Variants in CCDC102B observed in about 807,000 individuals in gnomAD.
CCDC102B encodes the protein coiled-coil domain-containing protein 102B.
In CCDC102B, 75 loss-of-function variants were observed where a neutral mutation model predicts 57.4. The ratio of observed to expected loss-of-function variants is 1.31; its 90% CI spans 1.08 to 1.58. The LOEUF is 1.58. Ranked by LOEUF, CCDC102B falls within the 40% of genes most tolerant of loss-of-function variation. CCDC102B has a pLI of 0.00. For synonymous variants in CCDC102B, 206 were observed against 201.9 expected, an observed-to-expected ratio of 1.02 and a Z score of -0.17; for missense variants, 636 against 582.6, an observed-to-expected ratio of 1.09 and a Z score of -0.94.
intron 5 of CCDC102B, among the ~76,000 whole-genome samples, chr18:68,889,850 A>G (rs141695550): frequency 0.01 from 1,525 of 152,304 alleles, 19 homozygotes; most frequent in African/African-American, 0.035. Context: ...AAAGCTAACC[A>G]GTTGGATCCC....
At chr18:68,967,894 A>C (rs2050204051) in intron 6 of CCDC102B, among the ~76,000 whole-genome samples, 1 of 152,160 alleles carries the variant, frequency 6.6e-6, no homozygotes, top group Non-Finnish European at 1.5e-5. Context: ...ATAAATTATA[A>C]TTGAAAATGA....
At chr18:68,883,578 C>T (rs949729567) in intron 5 of CCDC102B, among the ~76,000 whole-genome samples, 4 of 152,120 alleles carry the variant, frequency 2.6e-5, no homozygotes, top group Non-Finnish European at 5.9e-5. Flanking sequence ...ACTTTTCCTA[C>T]TGTAGAGAAA....
intron 7 of CCDC102B, among the ~76,000 whole-genome samples, chr18:69,031,248 T>A (rs1339215442): frequency 6.6e-6 from 1 of 152,194 alleles, no homozygotes; most frequent in Non-Finnish European, 1.5e-5. Context: ...TAGTCCTTTT[T>A]AGTGACTTAG....
At chr18:68,755,501 T>G (rs998633154) in intron 2 of CCDC102B, among the ~76,000 whole-genome samples, 1 of 152,172 alleles carries the variant, frequency 6.6e-6, no homozygotes, top group African/African-American at 2.4e-5. Flanking sequence ...TGTAATAATT[T>G]TATTATAAGA....
At chr18:68,752,812 G>A (rs946320522) in intron 2 of CCDC102B, among the ~76,000 whole-genome samples, 1 of 152,028 alleles carries the variant, frequency 6.6e-6, no homozygotes, top group Non-Finnish European at 1.5e-5. Context: ...TTAGAGGTCT[G>A]TAGCTTTATC....
At chr18:68,904,509 A>G (rs1402940333) in intron 6 of CCDC102B, among the ~76,000 whole-genome samples, 3 of 152,196 alleles carry the variant, frequency 2.0e-5, no homozygotes, top group Non-Finnish European at 1.5e-5. Flanking sequence ...GTCTTTTGCC[A>G]AGTAATTTCT....
At chr18:68,715,376 C>T (rs759087151) in intron 1 of CCDC102B, 17 of 480,432 alleles carry the variant, frequency 3.5e-5, no homozygotes, top group Non-Finnish European at 4.9e-5. Flanking sequence ...GCTCTGACGA[C>T]GCACTTGCAG....
At chr18:68,877,801 C>G (rs550669536) in intron 5 of CCDC102B, among the ~76,000 whole-genome samples, 1 of 152,286 alleles carries the variant, frequency 6.6e-6, no homozygotes, top group Admixed American at 6.5e-5. Context: ...TTACATTTCT[C>G]TTCTGCTAAA....
At chr18:68,759,535 A>G (rs549954171) in intron 2 of CCDC102B, among the ~76,000 whole-genome samples, 6 of 152,108 alleles carry the variant, frequency 3.9e-5, no homozygotes, top group African/African-American at 1.2e-4. Context: ...CAACAGACAT[A>G]TGGGGGGCCA....
intron 4 of CCDC102B, among the ~76,000 whole-genome samples, chr18:68,847,282 T>A (rs1383615721): frequency 1.3e-5 from 2 of 151,714 alleles, no homozygotes; most frequent in African/African-American, 4.8e-5. Flanking sequence ...CACAATACAT[T>A]GATGTATAGT....
At chr18:69,050,644 A>G (rs909099362) in intron 7 of CCDC102B, among the ~76,000 whole-genome samples, 15 of 152,178 alleles carry the variant, frequency 9.9e-5, no homozygotes, top group Non-Finnish European at 1.6e-4. Context: ...TTACAAGACT[A>G]TAAGTGCAAC....
chr18:69,042,424 C>T (rs1279630131), intron 7 of CCDC102B, among the ~76,000 whole-genome samples: 1 of 152,096 alleles, frequency 6.6e-6, no homozygotes, highest in Non-Finnish European at 1.5e-5. Flanking sequence ...CTCAAACCTG[C>T]TCATTTGGTC....
At chr18:69,020,505 G>A (rs2051802133) in intron 7 of CCDC102B, among the ~76,000 whole-genome samples, 1 of 152,106 alleles carries the variant, frequency 6.6e-6, no homozygotes, top group Admixed American at 6.6e-5. Context: ...ATACTCAAGT[G>A]CCATCTCCAG....
At chr18:69,039,515 A>G (rs1167579280) in intron 7 of CCDC102B, among the ~76,000 whole-genome samples, 1 of 151,878 alleles carries the variant, frequency 6.6e-6, no homozygotes, top group Admixed American at 6.6e-5. Flanking sequence ...ACCATGAGAT[A>G]TTATTATATT....
At chr18:68,987,642 C>A (rs749994648) in intron 6 of CCDC102B, among the ~76,000 whole-genome samples, 68 of 152,180 alleles carry the variant, frequency 4.5e-4, no homozygotes, top group Non-Finnish European at 8.7e-4. Context: ...AAAATATTCA[C>A]AAGCTATGCA....
At chr18:68,959,019 G>A (rs868524941) in intron 6 of CCDC102B, among the ~76,000 whole-genome samples, 3 of 152,128 alleles carry the variant, frequency 2.0e-5, no homozygotes, top group African/African-American at 7.2e-5. Flanking sequence ...TGTGTAGTTT[G>A]TTTAGTGAGG....
intron 4 of CCDC102B, among the ~76,000 whole-genome samples, chr18:68,851,513 T>A (rs1391971882): frequency 6.6e-6 from 1 of 152,168 alleles, no homozygotes; most frequent in Non-Finnish European, 1.5e-5. Context: ...AGCACTGAAT[T>A]ACATAAGTTG....
chr18:69,030,255 ACCTAT>A (rs1275120184), intron 7 of CCDC102B, among the ~76,000 whole-genome samples: 1 of 152,182 alleles, frequency 6.6e-6, no homozygotes, highest in Non-Finnish European at 1.5e-5. Flanking sequence ...CTATCTACAA[ACCTAT>A]CCTAATGTGC....
chr18:68,973,688 G>A (rs147925027), intron 6 of CCDC102B, among the ~76,000 whole-genome samples: 105 of 151,964 alleles, frequency 6.9e-4, no homozygotes, highest in African/African-American at 2.3e-3. Flanking sequence ...ATATCATTAC[G>A]GATTTATTTA....
Sources: allele counts gnomAD v4.1 joint callset (sites outside exome capture counted in the v4.1 genomes callset), GRCh38; gene constraint gnomAD v4.1.1; transcripts MANE v1.5; gene names NCBI Gene and HGNC (gene_info 2026-07-23, HGNC 2026-07-21).